PUS7L: variants seen among roughly 807,000 people sequenced by gnomAD.
PUS7L encodes pseudouridylate synthase PUS7L.
PUS7L carries 49 observed loss-of-function variants against 51.1 expected under a neutral mutation model. That is an observed-to-expected ratio of 0.96 (90% CI 0.76 to 1.22). PUS7L has a LOEUF of 1.22. Among genes scored for constraint, PUS7L ranks in the 50% most tolerant of loss-of-function variants. The pLI is 0.00. For missense variants in PUS7L, 828 were observed against 820.6 expected (o/e 1.01, Z -0.11); for synonymous variants, 277 against 276.2 (o/e 1.00, Z -0.03).
intron 6 of PUS7L, among the ~76,000 whole-genome samples, chr12:43,737,063 A>G (rs541067809): frequency 1.9e-4 from 29 of 152,356 alleles, no homozygotes; most frequent in Admixed American, 1.0e-3. Context: ...TATTCTGGAC[A>G]TAAACACAGA....
rs755880266 is a variant in PUS7L, at chr12:43,727,967, T to C, written c.*2409A>G. ...TGATGACACAGCTTCTCCTTCGGCA[T>C]GTTTAATTGGCATGTGATGTTTAAA... is the stretch of plus-strand genomic sequence containing the variant. On this transcript the variant is annotated 3_prime_UTR_variant, in exon 9 of 9. Coordinates refer to ENST00000344862, the MANE Select transcript of PUS7L (RefSeq NM_031292.5). The C allele has an allele frequency of 6.6e-6, 1 of 152,118 alleles. No homozygotes were observed. Among genetic ancestry groups the C allele is most frequent in the Non-Finnish European group, 1.5e-5 (1 of 68,022 alleles). 9.4% of individuals were successfully genotyped at this position (152,118 alleles called of 1,614,324 possible).
At chr12:43,735,461 TAA>T (rs1362850766) in intron 7 of PUS7L, among the ~76,000 whole-genome samples, 1 of 152,076 alleles carries the variant, frequency 6.6e-6, no homozygotes, top group Non-Finnish European at 1.5e-5. Flanking sequence ...AAGACATTGT[TAA>T]GAGGAAATTA....
rs1302935234 is a variant in PUS7L at position 43,728,505 on chromosome 12, C to T, written c.*1871G>A. On this transcript the variant is annotated 3_prime_UTR_variant, in exon 9 of 9. Transcript: ENST00000344862. ...TATCATATAAAATAAAACATTTTTT[C>T]TAAATTTTTTTTACTACCTAATAGA... The T allele has an allele frequency of 4.0e-5, 6 of 151,896 alleles. No individual in the cohort carries two copies. The allele number at this position is 151,896 out of a possible 1,614,324, so 9.4% of individuals were successfully genotyped here.
In PUS7L at chr12:43,746,225, C is replaced by G; in HGVS notation, c.1084G>C (p.Glu362Gln). Residue 362 changes from glutamate to glutamine, a missense_variant, in exon 4 of 9, where the codon GAA becomes CAA. Transcript: ENST00000344862. Reference protein sequence around the residue: ...KVTPERLKNIEKEIEKKRMNV... With the variant: ...KVTPERLKNIQKEIEKKRMNV... The stretch of plus-strand genomic sequence containing the variant: ...ATTCTTTTCTTTTCAATTTCTTTTT[C>G]AATATTTTTCAACCTGTAAGTAATA... The G allele has an allele frequency of 1.5e-6, 2 of 1,298,074 alleles. No individual in the cohort carries two copies. The highest frequency in any genetic ancestry group is 2.1e-6 in the Non-Finnish European group (2 of 932,798). 80.4% of individuals were successfully genotyped at this position (1,298,074 alleles called of 1,614,324 possible).
At position 43,728,421 on chromosome 12, in the gene PUS7L, A is replaced by G. The variant is rs1944483893; in HGVS notation, c.*1955T>C. 1 of 152,156 alleles carries G rather than the reference A, an allele frequency of 6.6e-6. No individual in the cohort carries two copies. Among genetic ancestry groups the G allele is most frequent in the Non-Finnish European group, 1.5e-5 (1 of 67,994 alleles). 9.4% of individuals were successfully genotyped at this position (152,156 alleles called of 1,614,324 possible). Reference sequence around the variant, plus strand: ...TCTGATTGCTATTCAAAACTTTTAAAAACTAGGATTTAATAATGTATATAA... The same window carrying G: ...TCTGATTGCTATTCAAAACTTTTAAGAACTAGGATTTAATAATGTATATAA... On this transcript the variant is annotated 3_prime_UTR_variant, in exon 9 of 9. Transcript: ENST00000344862.
intron 8 of PUS7L, among the ~76,000 whole-genome samples, 157 bp from the exon 9 acceptor site, chr12:43,730,859 TATG>T (rs1308020755): frequency 6.6e-6 from 1 of 152,186 alleles, no homozygotes; most frequent in Non-Finnish European, 1.5e-5. Context: ...AATAATATGC[TATG>T]ATATTTTTAT....
At chr12:43,735,306 G>C (rs1205921994) in intron 7 of PUS7L, among the ~76,000 whole-genome samples, 1 of 150,922 alleles carries the variant, frequency 6.6e-6, no homozygotes, top group Non-Finnish European at 1.5e-5. Flanking sequence ...GACAGAGCGA[G>C]ACTCTGTCTC....
In PUS7L at chr12:43,729,816, C is replaced by T. The variant is rs1944508657; in HGVS notation, c.*560G>A. 1 of 152,388 alleles carries T rather than the reference C, an allele frequency of 6.6e-6. No homozygotes were observed. The highest frequency in any genetic ancestry group is 2.1e-4 in the South Asian group (1 of 4,834). The allele number at this position is 152,388 out of a possible 1,614,324, so 9.4% of individuals were successfully genotyped here. ...TGAGAAATTGTATTTCAATCTTCAT[C>T]AAAGATTACTTATCTCACAAAGAGG... is the stretch of plus-strand genomic sequence containing the variant. On this transcript the variant is annotated 3_prime_UTR_variant, in exon 9 of 9. Transcript: ENST00000344862.
At position 43,754,464 on chromosome 12, in the gene PUS7L, G is replaced by T. The variant is rs376713319; in HGVS notation, c.782C>A (p.Ser261Tyr). ...AGCACTGCAATTCATTTTAGAAAAA[G>T]ATTTGGTTTCCACAAGGTTTCCAAA... is the stretch of plus-strand genomic sequence containing the variant. ...KKFGNLVETK[S>Y]FSKMNCSAGN... Residue 261 changes from serine (S) to tyrosine (Y), a missense_variant, in exon 2 of 9, where the codon TCT (serine) becomes TAT (tyrosine). Ser to Tyr is a moderately radical substitution (Grantham distance 144). Coordinates refer to ENST00000344862, the MANE Select transcript of PUS7L (RefSeq NM_031292.5). The T allele has an allele frequency of 1.9e-6, 3 of 1,613,886 alleles. No homozygotes were observed. The East Asian group carries it at 6.7e-5, about 36-fold the overall frequency.
At chr12:43,733,235 A>C (rs1034350597) in intron 7 of PUS7L, among the ~76,000 whole-genome samples, 1 of 152,322 alleles carries the variant, frequency 6.6e-6, no homozygotes, top group African/African-American at 2.4e-5. Context: ...CTGTTAGTCT[A>C]GTAACTCTAT....
At position 43,727,149 on chromosome 12, in the gene PUS7L, C is replaced by G. The variant is rs1316361532; in HGVS notation, c.*3227G>C. 1 of 152,124 alleles carries G rather than the reference C, an allele frequency of 6.6e-6. No individual in the cohort carries two copies. Among genetic ancestry groups the G allele is most frequent in the African/African-American group, 2.4e-5 (1 of 41,420 alleles). The allele number at this position is 152,124 out of a possible 1,614,324, so 9.4% of individuals were successfully genotyped here. A position where few individuals can be genotyped will look rare whatever the true frequency, so the allele number is the denominator to read the frequency against. On this transcript the variant is annotated 3_prime_UTR_variant, in exon 9 of 9. Coordinates refer to ENST00000344862, the MANE Select transcript of PUS7L (RefSeq NM_031292.5). ...AACCACAACGAGATACCATCTCACA[C>G]CAGTCAGAATGGCTGTTATTAAAAA...
intron 1 of PUS7L, among the ~76,000 whole-genome samples, chr12:43,756,056 C>T (rs1044387338): frequency 6.6e-6 from 1 of 152,098 alleles, no homozygotes; most frequent in East Asian, 1.9e-4. Flanking sequence ...TTCTGTGTTT[C>T]CCCCACATTC....
chr12:43,751,103 T>C (rs1176036437), intron 2 of PUS7L, among the ~76,000 whole-genome samples: 1 of 152,138 alleles, frequency 6.6e-6, no homozygotes, highest in East Asian at 1.9e-4. Flanking sequence ...CTTCAAGAAC[T>C]CTTTGGTTTG....
rs1944476855 is a variant in PUS7L at position 43,727,946 on chromosome 12, GAC to G, written c.*2428_*2429del. On this transcript the variant is annotated 3_prime_UTR_variant, in exon 9 of 9. Transcript: ENST00000344862. ...GGGTAGGTTAAGTGGGCATTTTGATGACACAGCTTCTCCTTCGGCATGTTTAA... is the reference window on the plus strand; with the variant it reads ...GGGTAGGTTAAGTGGGCATTTTGATGACAGCTTCTCCTTCGGCATGTTTAA... The G allele has an allele frequency of 6.6e-6, 1 of 152,096 alleles. No homozygotes were observed. The highest frequency in any genetic ancestry group is 1.5e-5 in the Non-Finnish European group (1 of 68,016). 9.4% of individuals were successfully genotyped at this position (152,096 alleles called of 1,614,324 possible).
intron 7 of PUS7L, among the ~76,000 whole-genome samples, chr12:43,735,898 T>A (rs1456415653): frequency 6.6e-6 from 1 of 152,120 alleles, no homozygotes; most frequent in African/African-American, 2.4e-5. Flanking sequence ...TGCCTCAGCC[T>A]CCTGAGTAGC....
chr12:43,758,655 C>CCT, intron 1 of PUS7L, 75 bp downstream of exon 1: 1 of 259,754 alleles, frequency 3.8e-6, no homozygotes, highest in African/African-American at 8.1e-5. Context: ...AACCTCGTCA[C>CCT]CCCCCCCCCC....
chr12:43,747,937 G>T (rs527730973), intron 3 of PUS7L, among the ~76,000 whole-genome samples: 5 of 151,884 alleles, frequency 3.3e-5, no homozygotes, highest in African/African-American at 1.2e-4. Flanking sequence ...ACAGGCGCAC[G>T]CCATCACATC....
intron 5 of PUS7L, 82 bp downstream of exon 5, chr12:43,742,375 G>C (rs994666312): frequency 1.1e-6 from 1 of 912,880 alleles, no homozygotes. Flanking sequence ...TTATATGCTA[G>C]AGTTAAGAAA....
At position 43,722,738 on chromosome 12, in the gene PUS7L, G is replaced by T. The variant is rs1462689908; in HGVS notation, c.*7638C>A. 2.0e-5 allele frequency: 3 copies of T among 151,996 alleles called. No individual in the cohort carries two copies. 9.4% of individuals were successfully genotyped at this position (151,996 alleles called of 1,614,324 possible). A position where few individuals can be genotyped will look rare whatever the true frequency, so the allele number is the denominator to read the frequency against. On this transcript the variant is annotated 3_prime_UTR_variant, in exon 9 of 9. Transcript: ENST00000344862. ...GTCCTTTATGTTCCCCTGCCACAGG[G>T]GAGGCATTGGAAACAATGATCAGCT...
Sources: gnomAD v4.1 joint callset for allele counts (sites outside exome capture counted in the v4.1 genomes callset) on GRCh38, gnomAD v4.1.1 for gene constraint, MANE v1.5 for transcripts, NCBI Gene and HGNC (gene_info 2026-07-23, HGNC 2026-07-21) for gene names.